PTCHD4: variants seen among roughly 807,000 people sequenced by gnomAD.
The protein encoded by PTCHD4 is patched domain containing 4, also known as patched domain-containing protein 4.
A neutral mutation model predicts 58.1 loss-of-function variants in PTCHD4; 33 were observed. That is an observed-to-expected ratio of 0.57 (90% CI 0.43 to 0.76). The LOEUF is 0.76. Ranked by LOEUF, PTCHD4 falls within the 30% of genes least tolerant of loss-of-function variation. The probability of loss-of-function intolerance (pLI) is 0.00; values close to 1 mark genes in which losing one functional copy is unlikely to be tolerated. For synonymous variants in PTCHD4, 478 were observed against 409.6 expected (o/e 1.17, Z -2.02); for missense variants, 1,058 against 1,027.1 (o/e 1.03, Z -0.41).
intron 4 of PTCHD4, among the ~76,000 whole-genome samples, chr6:48,000,225 T>C (rs1768667432): frequency 1.3e-5 from 2 of 152,202 alleles, no homozygotes; most frequent in Non-Finnish European, 2.9e-5. Flanking sequence ...AATATATCTT[T>C]GTTATGTTAA....
intron 3 of PTCHD4, among the ~76,000 whole-genome samples, chr6:48,044,275 C>A (rs1167054365): frequency 4.6e-5 from 7 of 151,880 alleles, no homozygotes; most frequent in African/African-American, 1.7e-4. Flanking sequence ...TCTGGAACTA[C>A]ATTCTTTTCA....
At chr6:48,087,618 A>G (rs1765288132) in intron 1 of PTCHD4, among the ~76,000 whole-genome samples, 1 of 152,204 alleles carries the variant, frequency 6.6e-6, no homozygotes, top group Admixed American at 6.5e-5. Context: ...TTGAAGCTCT[A>G]AGAGGATAAA....
intron 4 of PTCHD4, among the ~76,000 whole-genome samples, chr6:47,930,438 G>T (rs896533893): frequency 3.9e-5 from 6 of 152,126 alleles, no homozygotes; most frequent in Non-Finnish European, 7.4e-5. Context: ...TCAAGGTAAG[G>T]TTTCTTGTAG....
In PTCHD4 at chr6:47,870,266, G is replaced by A. The variant is rs1763679490; in HGVS notation, c.*8037C>T. 6.6e-6 allele frequency among the ~76,000 whole-genome samples: 1 copy of A among 151,596 alleles called. No homozygotes were observed. Among genetic ancestry groups the A allele is most frequent in the East Asian group, 1.9e-4 (1 of 5,136 alleles). On this transcript the variant is annotated 3_prime_UTR_variant, in exon 5 of 5. Coordinates refer to ENST00000339488, the MANE Select transcript of PTCHD4 (RefSeq NM_001384253.1). ...TTTTTCTTAAGATTTGTACCTGTAA[G>A]CTTTAGATAATAGATTTGTCATGCA...
At chr6:47,910,353 C>G (rs990501512) in intron 4 of PTCHD4, among the ~76,000 whole-genome samples, 31 of 152,044 alleles carry the variant, frequency 2.0e-4, no homozygotes, top group Non-Finnish European at 7.4e-5. Context: ...GTCTGTTAGC[C>G]CCCTATAACT....
intron 4 of PTCHD4, among the ~76,000 whole-genome samples, chr6:47,897,856 G>GA (rs1554151111): frequency 6.6e-6 from 1 of 151,324 alleles, no homozygotes; most frequent in Non-Finnish European, 1.5e-5. Context: ...TAACTTAATA[G>GA]ACATGCCATA....
rs974545327 is a variant in PTCHD4, at chr6:48,072,108, G to A, written c.-969-2182C>T. Among the ~76,000 whole-genome samples the A allele has an allele frequency of 2.0e-5, 3 of 152,168 alleles. No individual in the cohort carries two copies. The East Asian group carries it at 5.8e-4, about 29-fold the overall frequency. On this transcript the variant is annotated intron_variant, in intron 1 of 4. Coordinates refer to ENST00000339488, the MANE Select transcript of PTCHD4 (RefSeq NM_001384253.1). The stretch of plus-strand genomic sequence containing the variant: ...ATCTTTTTACTATCCTCTGTACTGT[G>A]TTTTTTTGGACAGAAGTCACTATGT...
chr6:47,989,282 C>T (rs145241717), intron 4 of PTCHD4, among the ~76,000 whole-genome samples: 58 of 152,180 alleles, frequency 3.8e-4, no homozygotes, highest in African/African-American at 1.3e-3. Context: ...GGAAGCAGAG[C>T]ATAAAAGTTC....
At chr6:48,096,623 A>T (rs909356179) in intron 1 of PTCHD4, among the ~76,000 whole-genome samples, 3 of 151,628 alleles carry the variant, frequency 2.0e-5, no homozygotes, top group Admixed American at 1.3e-4. Context: ...AAAAAAAAAA[A>T]AAAGAAATAA....
At chr6:48,051,875 TAAC>T (rs1040025571) in intron 3 of PTCHD4, among the ~76,000 whole-genome samples, 2 of 152,038 alleles carry the variant, frequency 1.3e-5, no homozygotes, top group Non-Finnish European at 2.9e-5. Context: ...GAATCTGATG[TAAC>T]AACAATTCTG....
At chr6:47,951,739 G>T (rs1294092218) in intron 4 of PTCHD4, among the ~76,000 whole-genome samples, 3 of 151,538 alleles carry the variant, frequency 2.0e-5, no homozygotes, top group Non-Finnish European at 4.4e-5. Context: ...GAAAACAGAA[G>T]AATAGAAGAG....
At chr6:47,941,700 T>G (rs1410784611) in intron 4 of PTCHD4, among the ~76,000 whole-genome samples, 2 of 152,210 alleles carry the variant, frequency 1.3e-5, no homozygotes, top group African/African-American at 4.8e-5. Flanking sequence ...TTCAGTTTGC[T>G]CATTTGTAAA....
chr6:48,010,322 G>A (rs1010988735), intron 3 of PTCHD4, among the ~76,000 whole-genome samples: 4 of 152,164 alleles, frequency 2.6e-5, no homozygotes, highest in Non-Finnish European at 4.4e-5. Context: ...AGAGTGGGTA[G>A]GGCAGAAGAC....
At chr6:48,101,577 G>A (rs1426285789) in intron 1 of PTCHD4, among the ~76,000 whole-genome samples, 1 of 152,170 alleles carries the variant, frequency 6.6e-6, no homozygotes, top group Non-Finnish European at 1.5e-5. Context: ...TTGATGAGTG[G>A]AGATATTTCT....
chr6:47,971,167 G>A (rs1052642880), intron 4 of PTCHD4, among the ~76,000 whole-genome samples: 4 of 152,064 alleles, frequency 2.6e-5, no homozygotes, highest in Admixed American at 6.6e-5. Flanking sequence ...AAAGGACATA[G>A]AGAAAAGCAT....
Position 47,884,409 on chromosome 6 carries a change from A to G in PTCHD4, c.899-4473T>C, listed in dbSNP as rs147649648. On this transcript the variant is annotated intron_variant, in intron 4 of 4. Coordinates refer to ENST00000339488, the MANE Select transcript of PTCHD4 (RefSeq NM_001384253.1). ...AATTTTCTCTTTAGCTTTTTCTAAT[A>G]GTATTTTATTCCCTGCAGTTCCACC... Among the ~76,000 whole-genome samples, 586 of 152,298 alleles carry G rather than the reference A, an allele frequency of 3.8e-3. 1 individual carries two copies. The highest frequency in any genetic ancestry group is 6.9e-3 in the Admixed American group (105 of 15,292).
chr6:47,964,323 A>AT (rs111950870), intron 4 of PTCHD4, among the ~76,000 whole-genome samples: 8,872 of 151,476 alleles, frequency 0.059, 427 homozygotes, highest in African/African-American at 0.13. Flanking sequence ...TTATTACCAC[A>AT]TTTTTTTTTA....
intron 1 of PTCHD4, among the ~76,000 whole-genome samples, chr6:48,098,929 A>G (rs1051259988): frequency 6.6e-6 from 1 of 152,160 alleles, no homozygotes; most frequent in Non-Finnish European, 1.5e-5. Context: ...CATACACAGC[A>G]TATTGTATCT....
intron 3 of PTCHD4, among the ~76,000 whole-genome samples, chr6:48,015,032 T>C (rs928678653): frequency 6.6e-6 from 1 of 152,172 alleles, no homozygotes; most frequent in Non-Finnish European, 1.5e-5. Flanking sequence ...ACTCGTATAC[T>C]GATTCAACTT....
Sources: gnomAD v4.1 joint callset for allele counts (sites outside exome capture counted in the v4.1 genomes callset) on GRCh38, gnomAD v4.1.1 for gene constraint, MANE v1.5 for transcripts, NCBI Gene and HGNC (gene_info 2026-07-23, HGNC 2026-07-21) for gene names.